Variants in LPCAT3 observed in about 807,000 individuals in gnomAD.
LPCAT3 encodes the protein lysophosphatidylcholine acyltransferase 3.
In LPCAT3, 21 loss-of-function variants were observed where a neutral mutation model predicts 63.4. That is an observed-to-expected ratio of 0.33 (90% CI 0.23 to 0.48). LPCAT3 has a LOEUF of 0.48. Ranked by LOEUF, LPCAT3 falls within the 20% of genes least tolerant of loss-of-function variation. LPCAT3 has a pLI of 0.99. For missense variants in LPCAT3, 451 were observed against 590.6 expected (o/e 0.76, Z 2.45); for synonymous variants, 242 against 227.5 (o/e 1.06, Z -0.58).
chr12:7,001,392 TAATC>T (rs1328563362), intron 1 of LPCAT3: 7 of 454,164 alleles, frequency 1.5e-5, no homozygotes, highest in African/African-American at 1.2e-4. Context: ...TTAAAAAAAA[TAATC>T]AACCACCACC....
intron 1 of LPCAT3, among the ~76,000 whole-genome samples, chr12:7,007,913 T>C (rs903818272): frequency 6.6e-6 from 1 of 152,228 alleles, no homozygotes. Context: ...GATAATCTTC[T>C]ACCTACTCTC....
At position 6,977,682 on chromosome 12, in the gene LPCAT3, T is replaced by C; in HGVS notation, c.1104A>G (p.Leu368=). 2 of 1,614,184 alleles carry C rather than the reference T, an allele frequency of 1.2e-6. No homozygotes were observed. Among genetic ancestry groups the C allele is most frequent in the Middle Eastern group, 1.6e-4 (1 of 6,062 alleles). ...NKELSQGLSL[L]FLALWHGLHS... ...GCAGGCCGTGCCAGAGGGCCAGGAA[T>C]AGCAACGAGAGACCCTGAGAGAGTT... Residue 368 remains leucine (L), a synonymous_variant, in exon 10 of 13, where the codon CTA becomes CTG. Transcript: ENST00000261407. The surrounding 1 kb of genome is among the most constrained non-coding windows in gnomAD (Gnocchi z 4.5).
chr12:6,990,365 C>T (rs907482348), intron 1 of LPCAT3, among the ~76,000 whole-genome samples: 9 of 147,378 alleles, frequency 6.1e-5, no homozygotes, highest in East Asian at 2.1e-4. Context: ...AAAAATTAGC[C>T]GGGTGTGGTG....
chr12:6,977,448 C>T lies in LPCAT3; in HGVS notation c.1266G>A (p.Leu422=). The T allele has an allele frequency of 6.2e-7, 1 of 1,614,160 alleles. No homozygotes were observed. The part of the protein sequence containing the change: ...AITVLQPFYY[L]VQQTIHWLFM... ...AGAGCCAGTGGATGGTCTGTTGCAC[C>T]AAATAGTAGAAGGGCTGGAGGACAG... Residue 422 remains leucine, a synonymous_variant, in exon 11 of 13, where the codon TTG becomes TTA. Coordinates refer to ENST00000261407, the MANE Select transcript of LPCAT3 (RefSeq NM_005768.6). The surrounding 1 kb of genome is among the most constrained non-coding windows in gnomAD (Gnocchi z 4.5).
At chr12:7,006,429 G>A (rs1946725409) in intron 1 of LPCAT3, among the ~76,000 whole-genome samples, 8 of 152,190 alleles carry the variant, frequency 5.3e-5, no homozygotes, top group Admixed American at 5.2e-4. Context: ...ATGTTGCCCA[G>A]GGTGGTCTCC....
intron 1 of LPCAT3, among the ~76,000 whole-genome samples, chr12:6,989,563 G>A (rs1448114376): frequency 6.6e-6 from 1 of 152,072 alleles, no homozygotes; most frequent in Non-Finnish European, 1.5e-5. Flanking sequence ...CTCCCAAAGT[G>A]CTGGGATTAC....
Position 6,978,566 on chromosome 12 carries a change from T to C in LPCAT3, c.873+37A>G, listed in dbSNP as rs1555153635. On this transcript the variant is annotated intron_variant, in intron 8 of 12. Coordinates refer to ENST00000261407, the MANE Select transcript of LPCAT3 (RefSeq NM_005768.6). ...ACTCCCCATACTGGCCCCCATGGCT[T>C]GTCTAAATAGGACCTTGTTTCAACT... The C allele has an allele frequency of 1.9e-6, 3 of 1,613,448 alleles. No homozygotes were observed. The South Asian group carries it at 3.3e-5, about 18-fold the overall frequency.
chr12:6,990,120 A>G (rs1946573473), intron 1 of LPCAT3, among the ~76,000 whole-genome samples: 1 of 151,616 alleles, frequency 6.6e-6, no homozygotes, highest in Admixed American at 6.6e-5. Flanking sequence ...AGAAGCTACA[A>G]TGAGCTACGA....
chr12:6,976,272 A>C lies in LPCAT3; in HGVS notation c.*632T>G, dbSNP rs1354718160. ...CAGGCAGGGCCTTGCACCCCTCTCC[A>C]CCCCCCCATGGGGGGGGTGGTGGTA... On this transcript the variant is annotated 3_prime_UTR_variant, in exon 13 of 13. Transcript: ENST00000261407. 6.6e-6 allele frequency: 1 copy of C among 152,248 alleles called. No individual in the cohort carries two copies. The highest frequency in any genetic ancestry group is 1.5e-5 in the Non-Finnish European group (1 of 68,542). 9.4% of individuals were successfully genotyped at this position (152,248 alleles called of 1,614,324 possible). A position where few individuals can be genotyped will look rare whatever the true frequency, so the allele number is the denominator to read the frequency against.
At chr12:6,989,348 C>T (rs1946564745) in intron 1 of LPCAT3, among the ~76,000 whole-genome samples, 1 of 143,028 alleles carries the variant, frequency 7.0e-6, no homozygotes, top group Non-Finnish European at 1.5e-5. Context: ...GAGTCTCTGT[C>T]GCCCAGGCTG....
chr12:7,004,026 G>C (rs1946709224), intron 1 of LPCAT3, among the ~76,000 whole-genome samples: 1 of 151,800 alleles, frequency 6.6e-6, no homozygotes, highest in Non-Finnish European at 1.5e-5. Context: ...ATCTTACTTA[G>C]CGAATCAGTG....
At chr12:7,007,340 C>T (rs782196407) in intron 1 of LPCAT3, among the ~76,000 whole-genome samples, 4 of 151,162 alleles carry the variant, frequency 2.6e-5, no homozygotes, top group Admixed American at 6.6e-5. Context: ...TGTAAGCCAC[C>T]GCGCCTGGCC....
chr12:6,977,551 G>T lies in LPCAT3; in HGVS notation c.1189-26C>A, dbSNP rs1555153440. The T allele has an allele frequency of 2.5e-6, 4 of 1,614,154 alleles. No individual in the cohort carries two copies. The Admixed American group carries it at 6.7e-5, about 27-fold the overall frequency. On this transcript the variant is annotated intron_variant, in intron 10 of 12. Coordinates refer to ENST00000261407, the MANE Select transcript of LPCAT3 (RefSeq NM_005768.6). This position sits in a 1 kb window ranked among gnomAD's most constrained non-coding sequence, Gnocchi z 4.5. ...CTGGGGAGGGAGGAGGAGCTCATCA[G>T]CATCTTGTCCCTTATATTCCCCTTC...
chr12:7,015,997 C>G (rs782471054), intron 1 of LPCAT3, among the ~76,000 whole-genome samples: 35 of 152,322 alleles, frequency 2.3e-4, no homozygotes, highest in Non-Finnish European at 4.0e-4. Context: ...CCAGCCCTAA[C>G]TCCATTTAAC....
At chr12:7,008,171 C>T (rs782010245) in intron 1 of LPCAT3, among the ~76,000 whole-genome samples, 12 of 152,022 alleles carry the variant, frequency 7.9e-5, no homozygotes, top group Non-Finnish European at 1.2e-4. Context: ...TGTTACTCTC[C>T]ACACCCCCTT....
intron 1 of LPCAT3, chr12:6,997,380 TGTG>T (rs1946646103): frequency 6.4e-5 from 1 of 15,548 alleles, no homozygotes. Context: ...CAGCAAATTA[TGTG>T]TGTGTGTGTG....
chr12:6,989,780 C>T (rs1348621877), intron 1 of LPCAT3, among the ~76,000 whole-genome samples: 1 of 152,120 alleles, frequency 6.6e-6, no homozygotes, highest in Non-Finnish European at 1.5e-5. Flanking sequence ...TTAGCGGGAA[C>T]GTTTTCTTAT....
intron 1 of LPCAT3, among the ~76,000 whole-genome samples, chr12:7,013,671 G>A (rs782102406): frequency 2.0e-5 from 3 of 152,078 alleles, no homozygotes; most frequent in Non-Finnish European, 2.9e-5. Flanking sequence ...AAAAGGTTCC[G>A]GTATTCCTAG....
At chr12:7,001,008 AAAATT>A (rs1946683190) in intron 1 of LPCAT3, among the ~76,000 whole-genome samples, 1 of 152,112 alleles carries the variant, frequency 6.6e-6, no homozygotes, top group African/African-American at 2.4e-5. Flanking sequence ...CGCCCGGCCG[AAAATT>A]GAGTATTCTT....
Sources: allele counts gnomAD v4.1 joint callset (sites outside exome capture counted in the v4.1 genomes callset), GRCh38; gene constraint gnomAD v4.1.1; non-coding constraint Gnocchi (gnomAD v3.1); transcripts MANE v1.5; gene names NCBI Gene and HGNC (gene_info 2026-07-23, HGNC 2026-07-21).